DNAJC12: variants seen among roughly 807,000 people sequenced by gnomAD.
The protein encoded by DNAJC12 is DnaJ heat shock protein family (Hsp40) member C12.
DNAJC12 carries 25 observed loss-of-function variants against 28.5 expected under a neutral mutation model. That is an observed-to-expected ratio of 0.88 (90% CI 0.64 to 1.22). The LOEUF (loss-of-function observed/expected upper bound fraction) is 1.22. Among genes scored for constraint, DNAJC12 ranks in the 50% most tolerant of loss-of-function variants. The pLI, the probability that DNAJC12 is intolerant of heterozygous loss-of-function variation, is 0.00. For synonymous variants in DNAJC12, 77 were observed against 80.6 expected (o/e 0.95, Z 0.24); for missense variants, 222 against 231.7 (o/e 0.96, Z 0.27).
chr10:67,811,719 C>T (rs1191842265), intron 2 of DNAJC12, 56 bp from the exon 3 acceptor site: 2 of 1,568,748 alleles, frequency 1.3e-6, no homozygotes, highest in African/African-American at 2.7e-5. Flanking sequence ...ATTTTAAACT[C>T]CAAAACTATC....
intron 1 of DNAJC12, among the ~76,000 whole-genome samples, chr10:67,826,920 AAT>A (rs1301056008): frequency 2.1e-4 from 27 of 130,534 alleles, no homozygotes; most frequent in African/African-American, 6.4e-4. Flanking sequence ...TATGATATAT[AAT>A]ATATATATCA....
Position 67,816,539 on chromosome 10 carries a change from C to CTTTTTTTTT in DNAJC12, c.158-4877_158-4876insAAAAAAAAA, listed in dbSNP as rs1564862021. Among the ~76,000 whole-genome samples, 2 of 131,394 alleles carry CTTTTTTTTT rather than the reference C, an allele frequency of 1.5e-5. 1 individual carries two copies. The allele number at this position is 131,394 out of a possible 152,430, so 86.2% of individuals were successfully genotyped here. ...CCACAGGTTCTTAGTCTGAAGTTTACTTTCTTTTTTTTTTTTTTTTTTTTG... is the reference window on the plus strand; with the variant it reads ...CCACAGGTTCTTAGTCTGAAGTTTACTTTTTTTTTTTTCTTTTTTTTTTTTTTTTTTTTG... On this transcript the variant is annotated intron_variant, in intron 2 of 4. Coordinates refer to ENST00000225171, the MANE Select transcript of DNAJC12 (RefSeq NM_021800.3).
At chr10:67,819,546 C>G (rs1841950512) in intron 2 of DNAJC12, among the ~76,000 whole-genome samples, 1 of 150,228 alleles carries the variant, frequency 6.7e-6, no homozygotes, top group Admixed American at 6.7e-5. Context: ...GGCTGAGGCA[C>G]GAGAATTGTT....
chr10:67,797,167 G>A lies in DNAJC12; in HGVS notation c.546C>T (p.Ser182=). 6.2e-7 allele frequency: 1 copy of A among 1,613,552 alleles called. No individual in the cohort carries two copies. The highest frequency in any genetic ancestry group is 8.5e-7 in the Non-Finnish European group (1 of 1,179,740). The change falls in exon 5 of 5, where the codon TCC becomes TCT. Residue 182 remains serine, a synonymous_variant. Transcript: ENST00000225171. ...TCAGGAGTTCTGAGGGAGCATCCTTGGACCAGCGGAAACGAAGGTGCCAAC... is the reference window on the plus strand; with the variant it reads ...TCAGGAGTTCTGAGGGAGCATCCTTAGACCAGCGGAAACGAAGGTGCCAAC... ...VNGWHLRFRW[S]KDAPSELLRK...
At chr10:67,827,548 G>C (rs781144291) in intron 1 of DNAJC12, 1 of 152,050 alleles carries the variant, frequency 6.6e-6, no homozygotes, top group Non-Finnish European at 1.5e-5. Flanking sequence ...TTACCCAGGT[G>C]TGGTCATGGG....
intron 4 of DNAJC12, among the ~76,000 whole-genome samples, chr10:67,801,738 C>T (rs936446968): frequency 2.0e-5 from 3 of 146,530 alleles, no homozygotes; most frequent in Admixed American, 6.9e-5. Context: ...TGCAGTGAGC[C>T]GAGACAGTGC....
intron 2 of DNAJC12, among the ~76,000 whole-genome samples, chr10:67,821,288 G>A (rs1159548096): frequency 2.0e-5 from 3 of 151,996 alleles, no homozygotes; most frequent in Admixed American, 6.6e-5. Flanking sequence ...AGGCCAAGGC[G>A]GGCAGATCAC....
chr10:67,801,836 C>CTTTTTTTTTTTTTTT lies in DNAJC12; in HGVS notation c.502+3732_502+3746dup, dbSNP rs577511924. Among the ~76,000 whole-genome samples, 45 of 26,134 alleles carry CTTTTTTTTTTTTTTT rather than the reference C, an allele frequency of 1.7e-3. 14 individuals carry two copies. The highest frequency in any genetic ancestry group is 4.1e-3 in the African/African-American group (31 of 7,590). The allele number at this position is 26,134 out of a possible 152,430, so 17.1% of individuals were successfully genotyped here. A position where few individuals can be genotyped will look rare whatever the true frequency, so the allele number is the denominator to read the frequency against. ...TGATTCCCATCCCCTCCACTTCATT[C>CTTTTTTTTTTTTTTT]TTTTTTTTTTTTTTTTTTTTTTTTT... On this transcript the variant is annotated intron_variant, in intron 4 of 4. Coordinates refer to ENST00000225171, the MANE Select transcript of DNAJC12 (RefSeq NM_021800.3).
At chr10:67,832,037 G>A (rs4746712) in intron 1 of DNAJC12, among the ~76,000 whole-genome samples, 108,657 of 152,048 alleles carry the variant, frequency 0.71, 39,759 homozygotes, top group Non-Finnish European at 0.8. Flanking sequence ...AGGCCGAGGT[G>A]GGCAGATCAC....
At chr10:67,836,199 G>C (rs913170013) in intron 1 of DNAJC12, among the ~76,000 whole-genome samples, 7 of 152,012 alleles carry the variant, frequency 4.6e-5, no homozygotes, top group Admixed American at 6.6e-5. Flanking sequence ...GGCCTGTCGG[G>C]GGGTGGGGGA....
At position 67,834,084 on chromosome 10, in the gene DNAJC12, A is replaced by G. The variant is rs1017468768; in HGVS notation, c.78+3850T>C. 7.8e-5 allele frequency: 36 copies of G among 459,708 alleles called. 2 individuals are homozygous for G. Among genetic ancestry groups the G allele is most frequent in the South Asian group, 5.6e-4 (35 of 62,584 alleles). 28.5% of individuals were successfully genotyped at this position (459,708 alleles called of 1,614,324 possible). The stretch of plus-strand genomic sequence containing the variant: ...ATTTACTAGAAGGTCAAGCTAAAAA[A>G]TGAAGTAAATGTATGATGAATTTTA... On this transcript the variant is annotated intron_variant, in intron 1 of 4. Transcript: ENST00000225171.
At chr10:67,832,200 G>A (rs970241216) in intron 1 of DNAJC12, among the ~76,000 whole-genome samples, 1 of 151,364 alleles carries the variant, frequency 6.6e-6, no homozygotes, top group Non-Finnish European at 1.5e-5. Flanking sequence ...GGGAGGCGAA[G>A]GTTGCAGTGA....
At chr10:67,819,526 C>G (rs1408246078) in intron 2 of DNAJC12, among the ~76,000 whole-genome samples, 1 of 151,332 alleles carries the variant, frequency 6.6e-6, no homozygotes, top group Non-Finnish European at 1.5e-5. Context: ...GTAATCCCAG[C>G]TTCTCGGGAG....
chr10:67,804,135 C>G (rs1841775615), intron 4 of DNAJC12, among the ~76,000 whole-genome samples: 1 of 152,144 alleles, frequency 6.6e-6, no homozygotes, highest in Non-Finnish European at 1.5e-5. Flanking sequence ...TGAGAATCAA[C>G]ACATAATAAT....
chr10:67,819,854 G>A, intron 2 of DNAJC12, among the ~76,000 whole-genome samples: 1 of 151,158 alleles, frequency 6.6e-6, no homozygotes, highest in Non-Finnish European at 1.5e-5. Context: ...AAATTGTGCA[G>A]AATAGGTGTC....
In DNAJC12 at chr10:67,813,625, G is replaced by A. The variant is rs1314185425; in HGVS notation, c.158-1962C>T. ...AAAAAAAAATTAGTTGGGTGTGGTG[G>A]CAGGCGCCTGTAATCCCAGCTACTC... is the stretch of plus-strand genomic sequence containing the variant. On this transcript the variant is annotated intron_variant, in intron 2 of 4. Coordinates refer to ENST00000225171, the MANE Select transcript of DNAJC12 (RefSeq NM_021800.3). Among the ~76,000 whole-genome samples, 12 of 151,650 alleles carry A rather than the reference G, an allele frequency of 7.9e-5. No homozygotes were observed. The South Asian group carries it at 1.5e-3, about 19-fold the overall frequency.
At chr10:67,813,543 T>A (rs551901341) in intron 2 of DNAJC12, among the ~76,000 whole-genome samples, 3 of 150,058 alleles carry the variant, frequency 2.0e-5, no homozygotes, top group South Asian at 4.3e-4. Flanking sequence ...AGGTCAGGAG[T>A]TCGAGACCAG....
intron 2 of DNAJC12, among the ~76,000 whole-genome samples, chr10:67,815,044 T>G (rs1012357256): frequency 6.6e-6 from 1 of 152,086 alleles, no homozygotes; most frequent in South Asian, 2.1e-4. Context: ...CACAAAAACC[T>G]GTATATGATA....
At chr10:67,799,121 T>C (rs1386342762) in intron 4 of DNAJC12, among the ~76,000 whole-genome samples, 8 of 152,156 alleles carry the variant, frequency 5.3e-5, no homozygotes, top group East Asian at 1.9e-4. Context: ...TTTTCTGCAA[T>C]AAACATCTAT....
Sources: gnomAD v4.1 joint callset for allele counts (sites outside exome capture counted in the v4.1 genomes callset) on GRCh38, gnomAD v4.1.1 for gene constraint, MANE v1.5 for transcripts, NCBI Gene and HGNC (gene_info 2026-07-23, HGNC 2026-07-21) for gene names.